The following SAE1 variants were observed in gnomAD, a reference collection of about 807,000 sequenced individuals.
SAE1 encodes the protein SUMO-activating enzyme subunit 1.
SAE1 carries 11 observed loss-of-function variants against 40.6 expected under a neutral mutation model. The ratio of observed to expected loss-of-function variants is 0.27; its 90% CI spans 0.17 to 0.45. SAE1 has a LOEUF of 0.45. Ranked by LOEUF, SAE1 falls within the 20% of genes least tolerant of loss-of-function variation. The pLI is 1.00. For missense variants in SAE1, 373 were observed against 427.3 expected (o/e 0.87, Z 1.12); for synonymous variants, 155 against 154.3 (o/e 1.00, Z -0.03).
At chr19:47,195,818 T>C (rs1195199026) in intron 6 of SAE1, among the ~76,000 whole-genome samples, 3 of 147,660 alleles carry the variant, frequency 2.0e-5, no homozygotes, top group Admixed American at 1.4e-4. Flanking sequence ...TCATGTAGCC[T>C]TGACCTTCTG....
At chr19:47,169,023 C>T (rs2123250538) in intron 5 of SAE1, among the ~76,000 whole-genome samples, 1 of 152,280 alleles carries the variant, frequency 6.6e-6, no homozygotes, top group South Asian at 2.1e-4. Context: ...AATGCTGTTC[C>T]TGTTTCCACA....
At chr19:47,190,414 T>A (rs946216405) in intron 6 of SAE1, among the ~76,000 whole-genome samples, 1 of 152,196 alleles carries the variant, frequency 6.6e-6, no homozygotes, top group African/African-American at 2.4e-5. Context: ...AGCGAGAACT[T>A]GTCAGGGGCT....
At chr19:47,168,367 C>T (rs576155522) in intron 5 of SAE1, among the ~76,000 whole-genome samples, 58 of 152,110 alleles carry the variant, frequency 3.8e-4, no homozygotes, top group Middle Eastern at 3.4e-3. Flanking sequence ...TGCAGTGGTA[C>T]GATCTGGCTC....
intron 1 of SAE1, among the ~76,000 whole-genome samples, chr19:47,138,117 C>T (rs1438833716): frequency 6.6e-6 from 1 of 152,112 alleles, no homozygotes; most frequent in East Asian, 1.9e-4. Flanking sequence ...GATCTAGACT[C>T]ACTGCAACCT....
intron 6 of SAE1, among the ~76,000 whole-genome samples, chr19:47,192,299 A>G (rs942899747): frequency 6.6e-6 from 1 of 151,730 alleles, no homozygotes; most frequent in African/African-American, 2.4e-5. Context: ...CACCCAGGCT[A>G]GATTGCAGTG....
chr19:47,175,107 A>ATTTTTTTTTTT (rs916783073), intron 6 of SAE1, among the ~76,000 whole-genome samples: 4 of 91,706 alleles, frequency 4.4e-5, no homozygotes, highest in Admixed American at 1.5e-4. Context: ...AGTGGCCTTG[A>ATTTTTTTTTTT]TTTTTTTTTT....
At chr19:47,190,966 G>C (rs2058574383) in intron 6 of SAE1, among the ~76,000 whole-genome samples, 1 of 152,222 alleles carries the variant, frequency 6.6e-6, no homozygotes, top group Non-Finnish European at 1.5e-5. Flanking sequence ...CTGTGTCCCT[G>C]TATGGACCTG....
intron 7 of SAE1, among the ~76,000 whole-genome samples, chr19:47,202,382 G>T (rs1313333254): frequency 6.6e-6 from 1 of 151,884 alleles, no homozygotes; most frequent in Non-Finnish European, 1.5e-5. Context: ...ATGCCTCCCA[G>T]GTTCAAGCGA....
intron 6 of SAE1, among the ~76,000 whole-genome samples, chr19:47,195,369 C>T (rs926000499): frequency 6.6e-6 from 1 of 152,098 alleles, no homozygotes; most frequent in African/African-American, 2.4e-5. Flanking sequence ...TAGTCTTTTG[C>T]TCCTATTTGT....
At chr19:47,131,097 C>T (rs1021127017) in intron 1 of SAE1, 69 bp downstream of exon 1, 1 of 1,453,496 alleles carries the variant, frequency 6.9e-7, no homozygotes, top group Non-Finnish European at 9.1e-7. Context: ...GTTTGCGGCC[C>T]GGAAGGAGCG....
At chr19:47,190,669 A>G (rs1176290133) in intron 6 of SAE1, among the ~76,000 whole-genome samples, 1 of 152,202 alleles carries the variant, frequency 6.6e-6, no homozygotes, top group Admixed American at 6.5e-5. Context: ...AAACTGCACC[A>G]GGAACAGGCA....
chr19:47,193,620 G>A, intron 6 of SAE1, among the ~76,000 whole-genome samples: 1 of 151,416 alleles, frequency 6.6e-6, no homozygotes, highest in East Asian at 1.9e-4. Flanking sequence ...TCAGGAACTT[G>A]AGACCAGGAA....
intron 5 of SAE1, among the ~76,000 whole-genome samples, chr19:47,157,316 T>G (rs1203139423): frequency 2.0e-5 from 3 of 152,170 alleles, no homozygotes; most frequent in Non-Finnish European, 4.4e-5. Flanking sequence ...TCAAGATTTA[T>G]CTGAATAGCT....
At chr19:47,204,551 G>A (rs1196664552) in intron 8 of SAE1, among the ~76,000 whole-genome samples, 1 of 123,158 alleles carries the variant, frequency 8.1e-6, no homozygotes, top group African/African-American at 3.2e-5. Context: ...TTGTCTCTCA[G>A]ACTGGAGTGC....
chr19:47,192,054 A>G (rs2058581657), intron 6 of SAE1, among the ~76,000 whole-genome samples: 1 of 138,694 alleles, frequency 7.2e-6, no homozygotes, highest in Non-Finnish European at 1.5e-5. Flanking sequence ...ACTCTGTCTC[A>G]AAAAAAAAAA....
chr19:47,185,096 G>A (rs1600198541), intron 6 of SAE1, among the ~76,000 whole-genome samples: 2 of 151,874 alleles, frequency 1.3e-5, no homozygotes, highest in South Asian at 2.1e-4. Flanking sequence ...TGGGATTATA[G>A]GCGTACTTGG....
Position 47,155,214 on chromosome 19 carries a change from G to C in SAE1, c.627+1G>C. On this transcript the variant is annotated splice_donor_variant, in intron 5 of 8. Coordinates refer to ENST00000270225, the MANE Select transcript of SAE1 (RefSeq NM_005500.3). LOFTEE classifies it high-confidence loss of function. The stretch of plus-strand genomic sequence containing the variant: ...TTCTGAGACAACGATGGTCAAAAAG[G>C]TATGTGTAACGTGGGGGCAGAGGTC... 6.2e-7 allele frequency: 1 copy of C among 1,608,998 alleles called. No individual in the cohort carries two copies. Among genetic ancestry groups the C allele is most frequent in the Non-Finnish European group, 8.5e-7 (1 of 1,175,444 alleles).
intron 6 of SAE1, among the ~76,000 whole-genome samples, chr19:47,187,851 C>T (rs1239611578): frequency 6.6e-6 from 1 of 152,148 alleles, no homozygotes; most frequent in East Asian, 1.9e-4. Flanking sequence ...GTCACTTTGT[C>T]ATGAGCCCTT....
At chr19:47,186,654 A>G (rs1568604690) in intron 6 of SAE1, among the ~76,000 whole-genome samples, 1 of 152,080 alleles carries the variant, frequency 6.6e-6, no homozygotes, top group African/African-American at 2.4e-5. Context: ...CCCCATCAAC[A>G]ACTTTCATCC....
Sources: gnomAD v4.1 joint callset for allele counts (sites outside exome capture counted in the v4.1 genomes callset) on GRCh38, gnomAD v4.1.1 for gene constraint, MANE v1.5 for transcripts, NCBI Gene and HGNC (gene_info 2026-07-23, HGNC 2026-07-21) for gene names.